Variants in EPHA6 observed in about 807,000 individuals in gnomAD.
EPHA6 encodes the protein ephrin type-A receptor 6.
EPHA6 carries 50 observed loss-of-function variants against 112.0 expected under a neutral mutation model. The observed-to-expected ratio is 0.45, with a 90% CI of 0.36 to 0.56. The LOEUF (loss-of-function observed/expected upper bound fraction) is 0.56. EPHA6 is among the 20% of genes least tolerant of loss of function. The probability of loss-of-function intolerance (pLI) is 0.00; values close to 1 mark genes in which losing one functional copy is unlikely to be tolerated. For missense variants in EPHA6, 1,280 were observed against 1,417.4 expected, an observed-to-expected ratio of 0.90 and a Z score of 1.56; for synonymous variants, 529 against 490.7, an observed-to-expected ratio of 1.08 and a Z score of -1.03.
At chr3:97,648,645 T>C in intron 14 of EPHA6, 1 of 1,088,100 alleles carries the variant, frequency 9.2e-7, no homozygotes, top group Non-Finnish European at 1.1e-6. Context: ...GCTTAACCTT[T>C]TAGTAAAACA....
At chr3:96,837,494 A>G (rs144423959) in intron 1 of EPHA6, among the ~76,000 whole-genome samples, 13 of 152,252 alleles carry the variant, frequency 8.5e-5, no homozygotes, top group African/African-American at 2.9e-4. Flanking sequence ...TTGTATGTCT[A>G]TGAAAGTGCA....
At chr3:97,707,639 C>T (rs2033748889) in intron 14 of EPHA6, among the ~76,000 whole-genome samples, 1 of 152,064 alleles carries the variant, frequency 6.6e-6, no homozygotes, top group African/African-American at 2.4e-5. Flanking sequence ...ATCAATTTAC[C>T]CCAGCTTTAA....
chr3:97,130,022 T>C (rs1392557229), intron 3 of EPHA6, among the ~76,000 whole-genome samples: 2 of 152,168 alleles, frequency 1.3e-5, no homozygotes, highest in East Asian at 3.9e-4. Flanking sequence ...AGGAATAGTC[T>C]TTGTCAGTAC....
chr3:96,852,129 C>T (rs551105694), intron 1 of EPHA6, among the ~76,000 whole-genome samples: 2 of 152,062 alleles, frequency 1.3e-5, no homozygotes, highest in African/African-American at 4.8e-5. Context: ...TCTGGAGCAA[C>T]TGGAGTTTTA....
At chr3:97,722,536 A>G (rs2034574805) in intron 15 of EPHA6, among the ~76,000 whole-genome samples, 1 of 152,162 alleles carries the variant, frequency 6.6e-6, no homozygotes, top group South Asian at 2.1e-4. Flanking sequence ...TGTATCTTTC[A>G]TGGTGGTTTT....
At chr3:97,173,137 C>T (rs1037506042) in intron 3 of EPHA6, among the ~76,000 whole-genome samples, 3 of 151,808 alleles carry the variant, frequency 2.0e-5, no homozygotes, top group Non-Finnish European at 2.9e-5. Context: ...TCGGCTTACA[C>T]TTGGACAAGT....
chr3:97,704,455 C>T (rs534675694), intron 14 of EPHA6, among the ~76,000 whole-genome samples: 1 of 152,304 alleles, frequency 6.6e-6, no homozygotes, highest in Non-Finnish European at 1.5e-5. Context: ...GGCCTTCAAA[C>T]TCTGACTGAA....
At chr3:97,410,151 A>G (rs981506906) in intron 6 of EPHA6, among the ~76,000 whole-genome samples, 6 of 152,044 alleles carry the variant, frequency 3.9e-5, no homozygotes, top group African/African-American at 1.2e-4. Context: ...ACTCCTCAAT[A>G]TCACACTTTG....
In EPHA6 at chr3:97,761,236, T is replaced by C. The variant is rs886231423; in HGVS notation, c.*12535T>C. On this transcript the variant is annotated 3_prime_UTR_variant, in exon 18 of 18. Coordinates refer to ENST00000389672, the MANE Select transcript of EPHA6 (RefSeq NM_001080448.3). ...TATTAATAACTTTCCATGTAAATTT[T>C]CATGTGCTGGCATGCTTACAAGTTA... is the stretch of plus-strand genomic sequence containing the variant. 1 of 196,772 alleles carries C rather than the reference T, an allele frequency of 5.1e-6. No homozygotes were observed. The allele number at this position is 196,772 out of a possible 1,614,324, so 12.2% of individuals were successfully genotyped here.
At chr3:97,609,208 C>T (rs973561930) in intron 12 of EPHA6, among the ~76,000 whole-genome samples, 9 of 151,304 alleles carry the variant, frequency 5.9e-5, no homozygotes, top group Non-Finnish European at 1.3e-4. Context: ...CAACTTTTCC[C>T]ATTAACATTC....
At chr3:96,956,827 G>A (rs2041780022) in intron 2 of EPHA6, among the ~76,000 whole-genome samples, 1 of 152,130 alleles carries the variant, frequency 6.6e-6, no homozygotes, top group Admixed American at 6.5e-5. Context: ...GAGGTCCGGA[G>A]TTCGAGACCA....
At position 96,954,773 on chromosome 3, in the gene EPHA6, C is replaced by CTTTTTTTT. The variant is rs10612575; in HGVS notation, c.451-32533_451-32526dup. 1.9e-4 allele frequency among the ~76,000 whole-genome samples: 14 copies of CTTTTTTTT among 72,690 alleles called. 1 individual carries two copies. The highest frequency in any genetic ancestry group is 5.5e-4 in the African/African-American group (10 of 18,168). The allele number at this position is 72,690 out of a possible 152,430, so 47.7% of individuals were successfully genotyped here. A position where few individuals can be genotyped will look rare whatever the true frequency, so the allele number is the denominator to read the frequency against. On this transcript the variant is annotated intron_variant, in intron 2 of 17. Coordinates refer to ENST00000389672, the MANE Select transcript of EPHA6 (RefSeq NM_001080448.3). ...TAGTCTTAAATTTTTACTGGTGTGC[C>CTTTTTTTT]TTTTTTTTTTTTTTTTTTTTTTTTT... is the stretch of plus-strand genomic sequence containing the variant.
At chr3:96,955,561 T>C (rs1281242380) in intron 2 of EPHA6, among the ~76,000 whole-genome samples, 2 of 152,192 alleles carry the variant, frequency 1.3e-5, no homozygotes, top group East Asian at 3.8e-4. Flanking sequence ...TCTTAATTCA[T>C]TTTTGGTAAA....
At chr3:96,859,192 G>A (rs759934752) in intron 1 of EPHA6, among the ~76,000 whole-genome samples, 4 of 151,934 alleles carry the variant, frequency 2.6e-5, no homozygotes, top group Non-Finnish European at 4.4e-5. Context: ...ACATGTTAAA[G>A]TAATAGTTAT....
chr3:97,534,165 G>A (rs1019274741), intron 11 of EPHA6, among the ~76,000 whole-genome samples: 7 of 152,108 alleles, frequency 4.6e-5, no homozygotes, highest in Admixed American at 3.9e-4. Flanking sequence ...AATGGGACAG[G>A]AATGCTGTAA....
chr3:97,211,622 A>G (rs2077878729), intron 3 of EPHA6, among the ~76,000 whole-genome samples: 1 of 152,104 alleles, frequency 6.6e-6, no homozygotes, highest in African/African-American at 2.4e-5. Flanking sequence ...CACTAATCCC[A>G]TTTAGACTTC....
chr3:97,747,034 T>G (rs2035744338), intron 16 of EPHA6, among the ~76,000 whole-genome samples: 1 of 151,790 alleles, frequency 6.6e-6, no homozygotes, highest in Non-Finnish European at 1.5e-5. Flanking sequence ...GCTACTCTCC[T>G]TGTGGGGATA....
chr3:97,403,591 C>T (rs2087131734), intron 5 of EPHA6, among the ~76,000 whole-genome samples: 1 of 152,184 alleles, frequency 6.6e-6, no homozygotes, highest in Non-Finnish European at 1.5e-5. Context: ...GGATTACAGG[C>T]GCCTGCCACC....
At chr3:97,018,596 A>G (rs1463149466) in intron 3 of EPHA6, among the ~76,000 whole-genome samples, 1 of 152,202 alleles carries the variant, frequency 6.6e-6, no homozygotes, top group East Asian at 1.9e-4. Context: ...CCATTATTAG[A>G]GACTTTTAGT....
Sources: gnomAD v4.1 joint callset for allele counts (sites outside exome capture counted in the v4.1 genomes callset) on GRCh38, gnomAD v4.1.1 for gene constraint, MANE v1.5 for transcripts, NCBI Gene and HGNC (gene_info 2026-07-23, HGNC 2026-07-21) for gene names.